TPTE: variants seen among roughly 807,000 people sequenced by gnomAD.
TPTE encodes putative tyrosine-protein phosphatase TPTE.
In TPTE, 59 loss-of-function variants were observed where a neutral mutation model predicts 84.1. The ratio of observed to expected loss-of-function variants is 0.70; its 90% CI spans 0.57 to 0.87. The LOEUF is 0.87. Ranked by LOEUF, TPTE falls within the 40% of genes least tolerant of loss-of-function variation. TPTE has a pLI of 0.00. For missense variants in TPTE, 382 were observed against 659.6 expected (o/e 0.58, Z 4.61); for synonymous variants, 130 against 223.5 (o/e 0.58, Z 3.73).
intron 8 of TPTE, among the ~76,000 whole-genome samples, chr21:10,554,198 TATTTC>T (rs1384447748): frequency 6.6e-6 from 1 of 152,308 alleles, no homozygotes; most frequent in Non-Finnish European, 1.5e-5. Context: ...AGTTGTGTGA[TATTTC>T]ATGGTGTAGA....
intron 4 of TPTE, among the ~76,000 whole-genome samples, chr21:10,539,421 G>T (rs1484605865): frequency 6.6e-6 from 1 of 152,306 alleles, no homozygotes; most frequent in Non-Finnish European, 1.5e-5. Context: ...CTAGCATGAT[G>T]GGTGAAAGGA....
At chr21:10,546,740 A>G (rs1047959343) in intron 7 of TPTE, among the ~76,000 whole-genome samples, 1 of 152,310 alleles carries the variant, frequency 6.6e-6, no homozygotes, top group Non-Finnish European at 1.5e-5. Flanking sequence ...AGCGTAATCC[A>G]GGACAAGGCC....
intron 5 of TPTE, among the ~76,000 whole-genome samples, chr21:10,541,493 TGCACAC>T (rs1263612490): frequency 6.6e-6 from 1 of 150,626 alleles, no homozygotes; most frequent in South Asian, 2.1e-4. Flanking sequence ...AAAAAAAAGA[TGCACAC>T]ACACACACAC....
chr21:10,563,386 A>G (rs1372430033), intron 10 of TPTE, among the ~76,000 whole-genome samples: 2 of 152,312 alleles, frequency 1.3e-5, no homozygotes, highest in African/African-American at 4.8e-5. Context: ...ATGATGTATA[A>G]ACTACTCTTA....
chr21:10,569,471 A>T lies in TPTE; in HGVS notation c.601A>T (p.Ile201Phe). The stretch of plus-strand genomic sequence containing the variant: ...TTTACTTCGACTTCTACGACTTATT[A>T]TTCTGTTAAGAATTTTTCATCTGTT... ...THLLRLLRLI[I>F]LLRIFHLFHQ... Residue 201 changes from isoleucine to phenylalanine, a missense_variant, in exon 12 of 24, where the codon ATT (isoleucine) becomes TTT (phenylalanine). By Grantham distance (21) the Ile-to-Phe change is conservative. Coordinates refer to ENST00000618007, the MANE Select transcript of TPTE (RefSeq NM_199261.4). 6.2e-7 allele frequency: 1 copy of T among 1,613,908 alleles called. No individual in the cohort carries two copies. Among genetic ancestry groups the T allele is most frequent in the Non-Finnish European group, 8.5e-7 (1 of 1,179,816 alleles).
intron 4 of TPTE, among the ~76,000 whole-genome samples, chr21:10,538,990 C>G (rs2074318559): frequency 1.3e-5 from 2 of 152,308 alleles, no homozygotes; most frequent in African/African-American, 4.8e-5. Context: ...AACAGGATTT[C>G]CAATTCTTCT....
intron 17 of TPTE, among the ~76,000 whole-genome samples, chr21:10,589,234 A>G (rs1251775431): frequency 7.9e-5 from 12 of 152,288 alleles, no homozygotes; most frequent in African/African-American, 2.4e-4. Flanking sequence ...GTGTGACTGT[A>G]GAGCATGCTG....
chr21:10,547,965 A>G (rs371262340), intron 7 of TPTE, among the ~76,000 whole-genome samples: 1,806 of 151,574 alleles, frequency 0.012, no homozygotes, highest in African/African-American at 0.038. Flanking sequence ...CCACAGGTCA[A>G]CAGAGTGACT....
intron 9 of TPTE, among the ~76,000 whole-genome samples, chr21:10,560,039 A>G (rs1177630974): frequency 6.6e-6 from 1 of 152,292 alleles, no homozygotes; most frequent in Non-Finnish European, 1.5e-5. Flanking sequence ...TGCCCCATCT[A>G]ATGTAATCTA....
intron 7 of TPTE, among the ~76,000 whole-genome samples, chr21:10,545,695 A>C (rs2074453247): frequency 6.6e-6 from 1 of 152,174 alleles, no homozygotes; most frequent in Non-Finnish European, 1.5e-5. Context: ...ATATACAGAT[A>C]TATCTTTTAG....
intron 7 of TPTE, among the ~76,000 whole-genome samples, chr21:10,549,384 A>G (rs1289586745): frequency 6.6e-6 from 1 of 152,298 alleles, no homozygotes; most frequent in African/African-American, 2.4e-5. Context: ...TCATAAACAT[A>G]TGATGTGACA....
At chr21:10,578,628 T>C in intron 17 of TPTE, 23 bp downstream of exon 17, 1 of 1,611,956 alleles carries the variant, frequency 6.2e-7, no homozygotes, top group Non-Finnish European at 8.5e-7. Flanking sequence ...TCCTTTTTAT[T>C]TCTCCATTTC....
chr21:10,557,177 C>T (rs2074701261), intron 8 of TPTE, among the ~76,000 whole-genome samples: 1 of 152,308 alleles, frequency 6.6e-6, no homozygotes, highest in Non-Finnish European at 1.5e-5. Context: ...AGGAAAGGTA[C>T]ATGGAGGCTA....
At chr21:10,555,109 A>G (rs1403157316) in intron 8 of TPTE, among the ~76,000 whole-genome samples, 2 of 152,428 alleles carry the variant, frequency 1.3e-5, no homozygotes, top group Admixed American at 6.5e-5. Flanking sequence ...ATTGATAAAA[A>G]ATGAGTCATT....
chr21:10,586,148 T>A (rs2075361200), intron 17 of TPTE, among the ~76,000 whole-genome samples: 1 of 152,302 alleles, frequency 6.6e-6, no homozygotes, highest in Non-Finnish European at 1.5e-5. Flanking sequence ...CTTCTTGACA[T>A]GGATAATTCT....
chr21:10,605,628 C>A lies in TPTE; in HGVS notation c.*76C>A, dbSNP rs1979218004. On this transcript the variant is annotated 3_prime_UTR_variant, in exon 24 of 24. Transcript: ENST00000618007. ...TGCCACATGTTCATATATCCTAAATCTATCCTAAATGTTCCTTGAAGTATT... is the reference window on the plus strand; with the variant it reads ...TGCCACATGTTCATATATCCTAAATATATCCTAAATGTTCCTTGAAGTATT... The A allele has an allele frequency of 6.2e-7, 1 of 1,605,376 alleles. No individual in the cohort carries two copies. Among genetic ancestry groups the A allele is most frequent in the Non-Finnish European group, 8.5e-7 (1 of 1,177,276 alleles).
intron 7 of TPTE, among the ~76,000 whole-genome samples, chr21:10,547,766 A>G (rs1424498508): frequency 6.6e-6 from 1 of 152,310 alleles, no homozygotes; most frequent in Non-Finnish European, 1.5e-5. Flanking sequence ...AGCTGTGTGG[A>G]GGTTGGTCCC....
At chr21:10,540,873 G>T in intron 4 of TPTE, 5 of 665,696 alleles carry the variant, frequency 7.5e-6, no homozygotes, top group South Asian at 6.9e-5. Flanking sequence ...TTGAGGTGTA[G>T]ATACCCTTAC....
intron 7 of TPTE, among the ~76,000 whole-genome samples, chr21:10,545,827 A>G (rs191825679): frequency 6.6e-6 from 1 of 151,812 alleles, no homozygotes; most frequent in Non-Finnish European, 1.5e-5. Flanking sequence ...ATATCTATAT[A>G]TACATATCTA....
Sources: allele counts gnomAD v4.1 joint callset (sites outside exome capture counted in the v4.1 genomes callset), GRCh38; gene constraint gnomAD v4.1.1; transcripts MANE v1.5; gene names NCBI Gene and HGNC (gene_info 2026-07-23, HGNC 2026-07-21).